Variants in MYO7A observed in about 807,000 individuals in gnomAD.
MYO7A encodes the protein unconventional myosin-VIIa.
In MYO7A, 210 loss-of-function variants were observed where a neutral mutation model predicts 263.8. That is an observed-to-expected ratio of 0.80 (90% CI 0.71 to 0.89). MYO7A has a LOEUF of 0.89. Among genes scored for constraint, MYO7A ranks in the 40% least tolerant of loss-of-function variants. The probability of loss-of-function intolerance (pLI) is 0.00; values close to 1 mark genes in which losing one functional copy is unlikely to be tolerated. For synonymous variants in MYO7A, 1,239 were observed against 1,197.3 expected, an observed-to-expected ratio of 1.03 and a Z score of -0.72; for missense variants, 2,820 against 2,968.3, an observed-to-expected ratio of 0.95 and a Z score of 1.16.
At chr11:77,137,458 A>C (rs1354474296) in intron 2 of MYO7A, among the ~76,000 whole-genome samples, 1 of 152,112 alleles carries the variant, frequency 6.6e-6, no homozygotes, top group African/African-American at 2.4e-5. Context: ...CCTTGAAAAG[A>C]GAAGAGGAAG....
chr11:77,155,009 C>T (rs1555060326), intron 4 of MYO7A, among the ~76,000 whole-genome samples: 1 of 152,182 alleles, frequency 6.6e-6, no homozygotes, highest in Non-Finnish European at 1.5e-5. Context: ...CTCCCCTGGA[C>T]ATCTTTCTTC....
At chr11:77,188,116 G>A (rs1015803875) in intron 27 of MYO7A, among the ~76,000 whole-genome samples, 3 of 152,190 alleles carry the variant, frequency 2.0e-5, no homozygotes, top group Non-Finnish European at 2.9e-5. Context: ...AAAGGCTGGG[G>A]TGTCAACTCC....
In MYO7A at chr11:77,208,418, C is replaced by G. The variant is rs1339824708; in HGVS notation, c.5857-12C>G. 1.3e-6 allele frequency: 2 copies of G among 1,598,530 alleles called. No individual in the cohort carries two copies. The highest frequency in any genetic ancestry group is 2.7e-5 in the African/African-American group (2 of 74,552). On this transcript the variant is annotated splice_polypyrimidine_tract_variant and intron_variant, in intron 42 of 48. Transcript: ENST00000409709. ...GCTTAAACTGAGTGTGCTTCGATGG[C>G]CCTGACCCCAGGTCCTCAGCGTTCC...
intron 28 of MYO7A, 115 bp downstream of exon 28, chr11:77,189,585 C>A: frequency 6.9e-7 from 1 of 1,447,648 alleles, no homozygotes; most frequent in Non-Finnish European, 9.4e-7. Flanking sequence ...CCCACCCGGC[C>A]ACTCCTTACT....
chr11:77,130,368 G>T (rs1555045704), intron 1 of MYO7A, among the ~76,000 whole-genome samples: 1 of 152,248 alleles, frequency 6.6e-6, no homozygotes, highest in African/African-American at 2.4e-5. Context: ...AATGACAGTG[G>T]CTGAGAGAAG....
At chr11:77,157,159 C>T (rs1287759124) in intron 7 of MYO7A, 120 bp from the exon 8 acceptor site, 12 of 1,353,482 alleles carry the variant, frequency 8.9e-6, no homozygotes, top group Non-Finnish European at 1.1e-5. Flanking sequence ...CCATGAAACC[C>T]ACCGATGGGC....
chr11:77,172,066 G>A (rs1445227514), intron 15 of MYO7A, among the ~76,000 whole-genome samples: 2 of 152,188 alleles, frequency 1.3e-5, no homozygotes, highest in Admixed American at 6.5e-5. Context: ...TGCTGCTGCC[G>A]GCTAAGCCTG....
At chr11:77,135,012 T>C (rs1177732397) in intron 2 of MYO7A, among the ~76,000 whole-genome samples, 1 of 152,132 alleles carries the variant, frequency 6.6e-6, no homozygotes, top group Non-Finnish European at 1.5e-5. Context: ...CTTGAACCCC[T>C]GACCTCAGGT....
At chr11:77,134,744 ATTT>A (rs755523087) in intron 2 of MYO7A, among the ~76,000 whole-genome samples, 1 of 125,654 alleles carries the variant, frequency 8.0e-6, no homozygotes, top group East Asian at 2.3e-4. Context: ...CCAATTTTGT[ATTT>A]TTTAAAATAC....
In MYO7A at chr11:77,129,967, G is replaced by GCGGGCCCGGGCC. The variant is rs1256384703; in HGVS notation, c.-46-614_-46-603dup. 3.6e-3 allele frequency among the ~76,000 whole-genome samples: 542 copies of GCGGGCCCGGGCC among 152,186 alleles called. 2 individuals carry two copies. The highest frequency in any genetic ancestry group is 5.7e-3 in the Non-Finnish European group (387 of 67,962). On this transcript the variant is annotated intron_variant, in intron 1 of 48. Coordinates refer to ENST00000409709, the MANE Select transcript of MYO7A (RefSeq NM_000260.4). The stretch of plus-strand genomic sequence containing the variant: ...GCCAGATTGTGCTGGGCCTAGCGGG[G>GCGGGCCCGGGCC]CGGGCCCGGGCCCGGGCCCAGGCCC...
chr11:77,182,097 C>T lies in MYO7A; in HGVS notation c.3051C>T (p.Tyr1017=). The change falls in exon 24 of 49, where the codon TAC becomes TAT. Residue 1017 remains tyrosine (Y), a synonymous_variant. Coordinates refer to ENST00000409709, the MANE Select transcript of MYO7A (RefSeq NM_000260.4). ...TYFQGTTTHS[Y]TRRPLKQPLL... ...TCCAGGGGACAACCACGCACTCCTA[C>T]ACCCGGCGGCCACTCAAACAGCCAC... 1 of 1,613,438 alleles carries T rather than the reference C, an allele frequency of 6.2e-7. No homozygotes were observed. Among genetic ancestry groups the T allele is most frequent in the African/African-American group, 1.3e-5 (1 of 75,036 alleles).
Position 77,142,764 on chromosome 11 carries a change from G to C in MYO7A, c.74G>C (p.Gly25Ala). The part of the protein sequence containing the change: ...RLGQEFDVPI[G>A]AVVKLCDSGQ... ...GGGCAGGAGTTCGACGTGCCCATCG[G>C]GGCGGTGGTGAAGCTCTGCGACTCT... Residue 25 changes from glycine (G) to alanine (A), a missense_variant, in exon 3 of 49, where the codon GGG (glycine) becomes GCG (alanine). Physicochemically the swap from Gly to Ala is moderately conservative, Grantham distance 60. Transcript: ENST00000409709. 1 of 1,612,266 alleles carries C rather than the reference G, an allele frequency of 6.2e-7. No individual in the cohort carries two copies. The highest frequency in any genetic ancestry group is 8.5e-7 in the Non-Finnish European group (1 of 1,179,354).
In MYO7A at chr11:77,189,957, G is replaced by T; in HGVS notation, c.3631-63G>T. The T allele has an allele frequency of 5.5e-6, 8 of 1,454,174 alleles. No individual in the cohort carries two copies. The South Asian group carries it at 1.0e-4, about 18-fold the overall frequency. 90.1% of individuals were successfully genotyped at this position (1,454,174 alleles called of 1,614,324 possible). A position where few individuals can be genotyped will look rare whatever the true frequency, so the allele number is the denominator to read the frequency against. On this transcript the variant is annotated intron_variant, in intron 28 of 48. Transcript: ENST00000409709. The stretch of plus-strand genomic sequence containing the variant: ...CCTCCAAGTGCCGGGAGGGCCTGGC[G>T]GCTGCCCTCAAAATCCACATGGGGA...
chr11:77,161,607 G>A (rs1455222044), intron 12 of MYO7A, among the ~76,000 whole-genome samples: 1 of 152,186 alleles, frequency 6.6e-6, no homozygotes, highest in Non-Finnish European at 1.5e-5. Context: ...TTGCTGTTTG[G>A]ATGTCTCAAA....
chr11:77,213,753 G>A lies in MYO7A; in HGVS notation c.6439-107G>A, dbSNP rs112547621. 25,470 of 1,520,814 alleles carry A rather than the reference G, an allele frequency of 0.017. 423 individuals carry two copies. Among genetic ancestry groups the A allele is most frequent in the African/African-American group, 0.08 (5,840 of 72,828 alleles). 94.2% of individuals were successfully genotyped at this position (1,520,814 alleles called of 1,614,324 possible). On this transcript the variant is annotated intron_variant, in intron 47 of 48. Transcript: ENST00000409709. Reference sequence around the variant, plus strand: ...GATGGCAGAGCTGGCTTTTCCCTCCGGCCATGGGCTCCTCTGAGGGCCTGA... The same window carrying A: ...GATGGCAGAGCTGGCTTTTCCCTCCAGCCATGGGCTCCTCTGAGGGCCTGA...
Position 77,205,604 on chromosome 11 carries a change from C to T in MYO7A, c.5623C>T (p.Gln1875Ter), listed in dbSNP as rs899950389. The change falls in exon 40 of 49, where the codon CAG becomes TAG. Residue 1875 changes from glutamine (Q) to a stop codon, truncating the protein, a stop_gained. Coordinates refer to ENST00000409709, the MANE Select transcript of MYO7A (RefSeq NM_000260.4). LOFTEE classifies it high-confidence loss of function. ...CGCCATCGACTGCCTGCAACGGCTC[C>T]AGAAAGCCCTGAGGTACAGCGGCCA... ...PLAIDCLQRL[Q>*]KALRNGSRKY... 6.2e-7 allele frequency: 1 copy of T among 1,613,580 alleles called. No individual in the cohort carries two copies. The highest frequency in any genetic ancestry group is 1.3e-5 in the African/African-American group (1 of 75,036).
intron 44 of MYO7A, 47 bp from the exon 45 acceptor site, chr11:77,211,105 C>T: frequency 6.7e-7 from 1 of 1,485,516 alleles, no homozygotes; most frequent in Non-Finnish European, 9.1e-7. Flanking sequence ...AAGGAGCCCA[C>T]TTCTGCCAGG....
intron 19 of MYO7A, 82 bp downstream of exon 19, chr11:77,177,725 G>A (rs984532085): frequency 6.1e-5 from 71 of 1,161,128 alleles, no homozygotes; most frequent in East Asian, 2.3e-4. Flanking sequence ...TGCTCTGCCC[G>A]CATGAACACT....
chr11:77,184,145 C>T (rs1296059712), intron 26 of MYO7A, among the ~76,000 whole-genome samples: 1 of 152,074 alleles, frequency 6.6e-6, no homozygotes, highest in Non-Finnish European at 1.5e-5. Context: ...CTGGTCACAT[C>T]GGGGCTAAGG....
Sources: gnomAD v4.1 joint callset for allele counts (sites outside exome capture counted in the v4.1 genomes callset) on GRCh38, gnomAD v4.1.1 for gene constraint, MANE v1.5 for transcripts, NCBI Gene and HGNC (gene_info 2026-07-23, HGNC 2026-07-21) for gene names.